Variants in PDHX observed in about 807,000 individuals in gnomAD.
PDHX encodes pyruvate dehydrogenase complex component X, also known as pyruvate dehydrogenase protein X component, mitochondrial.
Under a neutral mutation model 55.3 loss-of-function variants are expected in PDHX, and 33 were observed. That is an observed-to-expected ratio of 0.60 (90% CI 0.45 to 0.80). PDHX has a LOEUF of 0.80. Among genes scored for constraint, PDHX ranks in the 30% least tolerant of loss-of-function variants. The pLI, the probability that PDHX is intolerant of heterozygous loss-of-function variation, is 0.00. For missense variants in PDHX, 622 were observed against 619.9 expected (o/e 1.00, Z -0.04); for synonymous variants, 226 against 219.4 (o/e 1.03, Z -0.27).
intron 9 of PDHX, among the ~76,000 whole-genome samples, chr11:34,986,425 G>A (rs1855646142): frequency 1.3e-5 from 2 of 152,008 alleles, no homozygotes; most frequent in African/African-American, 4.8e-5. Flanking sequence ...GGTTTTCAGC[G>A]ACAATGAGAA....
At chr11:34,992,515 A>G in intron 10 of PDHX, 136 bp downstream of exon 10, 2 of 596,842 alleles carry the variant, frequency 3.4e-6, no homozygotes. Flanking sequence ...ACAATAGAAT[A>G]TCTGAAAAAA....
intron 1 of PDHX, among the ~76,000 whole-genome samples, chr11:34,928,874 G>T (rs1467162774): frequency 6.6e-6 from 1 of 152,090 alleles, no homozygotes; most frequent in Non-Finnish European, 1.5e-5. Flanking sequence ...AAAACATTAT[G>T]GTTGTATTTA....
intron 1 of PDHX, among the ~76,000 whole-genome samples, chr11:34,917,535 G>C (rs775652726): frequency 6.6e-6 from 1 of 152,150 alleles, no homozygotes; most frequent in Non-Finnish European, 1.5e-5. Flanking sequence ...TTTGGGAGAA[G>C]GTTGGAGGGA....
intron 3 of PDHX, among the ~76,000 whole-genome samples, chr11:34,955,375 C>G (rs1168913287): frequency 1.3e-5 from 2 of 152,090 alleles, no homozygotes; most frequent in Non-Finnish European, 2.9e-5. Context: ...TCTGAAAGAT[C>G]TCTGCACCAA....
chr11:34,918,736 G>A (rs1398089890), intron 1 of PDHX, among the ~76,000 whole-genome samples: 1 of 152,142 alleles, frequency 6.6e-6, no homozygotes, highest in Non-Finnish European at 1.5e-5. Flanking sequence ...AGTCCAAAAT[G>A]GATCTAACTA....
rs112881941 is a variant in PDHX, at chr11:34,993,312, C to T, written c.1247+933C>T. ...GGAAGTTCTGAGTTTTAATGAATTCCTATTTATCAGTATTTTTCTTTGTAG... is the reference window on the plus strand; with the variant it reads ...GGAAGTTCTGAGTTTTAATGAATTCTTATTTATCAGTATTTTTCTTTGTAG... On this transcript the variant is annotated intron_variant, in intron 10 of 10. Transcript: ENST00000227868. Among the ~76,000 whole-genome samples the T allele has an allele frequency of 2.6e-3, 393 of 151,728 alleles. 2 individuals carry two copies. Among genetic ancestry groups the T allele is most frequent in the African/African-American group, 9.0e-3 (372 of 41,382 alleles).
intron 8 of PDHX, among the ~76,000 whole-genome samples, chr11:34,982,277 G>C (rs947188518): frequency 6.6e-6 from 1 of 152,082 alleles, no homozygotes; most frequent in African/African-American, 2.4e-5. Context: ...CCCATTTCTT[G>C]TTTTTGTCAG....
At chr11:34,917,904 G>A (rs757402070) in intron 1 of PDHX, among the ~76,000 whole-genome samples, 1 of 152,162 alleles carries the variant, frequency 6.6e-6, no homozygotes, top group African/African-American at 2.4e-5. Flanking sequence ...ATTCGGTCTG[G>A]TCTGGTGTGG....
At chr11:34,984,466 T>TCTAG (rs1403830065) in intron 8 of PDHX, 104 bp from the exon 9 acceptor site, 3 of 908,094 alleles carry the variant, frequency 3.3e-6, no homozygotes, top group Non-Finnish European at 5.3e-6. Flanking sequence ...TTTTCTCTTA[T>TCTAG]CTAGCTATGT....
chr11:34,957,648 G>A, intron 4 of PDHX, 65 bp downstream of exon 4: 1 of 1,269,524 alleles, frequency 7.9e-7, no homozygotes, highest in Non-Finnish European at 1.1e-6. Context: ...TTATGGAATT[G>A]TAATCATTAT....
At chr11:34,987,742 GTGTGTGTA>G (rs1045217038) in intron 9 of PDHX, among the ~76,000 whole-genome samples, 5 of 151,666 alleles carry the variant, frequency 3.3e-5, no homozygotes, top group South Asian at 2.1e-4. Context: ...GTGTGTGTGT[GTGTGTGTA>G]TGTGTGTGTG....
intron 3 of PDHX, 40 bp downstream of exon 3, chr11:34,947,646 T>A: frequency 7.6e-7 from 1 of 1,314,854 alleles, no homozygotes; most frequent in Non-Finnish European, 1.1e-6. Context: ...GGATGAAGAT[T>A]TCTTGAGTGG....
chr11:34,933,843 CTAAGGATAA>C lies in PDHX; in HGVS notation c.241+2371_241+2379del, dbSNP rs145927550. On this transcript the variant is annotated intron_variant, in intron 2 of 10. Transcript: ENST00000227868. ...CAGAGATGAGATAGTTTGAGGATCA[CTAAGGATAA>C]TAAGGATAATATATTTAATATATTT... Among the ~76,000 whole-genome samples, 764 of 151,826 alleles carry C rather than the reference CTAAGGATAA, an allele frequency of 5.0e-3. 7 individuals are homozygous for C. Among genetic ancestry groups the C allele is most frequent in the African/African-American group, 0.018 (724 of 41,350 alleles).
chr11:34,931,812 T>TTGTGTG (rs35425265), intron 2 of PDHX, among the ~76,000 whole-genome samples: 301 of 146,178 alleles, frequency 2.1e-3, no homozygotes, highest in African/African-American at 2.9e-3. Context: ...TTTATCATGA[T>TTGTGTG]TGTGTGTGTG....
At chr11:34,941,965 A>T (rs1854498440) in intron 2 of PDHX, 2 of 153,090 alleles carry the variant, frequency 1.3e-5, no homozygotes, top group Middle Eastern at 1.8e-3. Flanking sequence ...TGGTGCAGGA[A>T]CACTCCAGGG....
At chr11:34,980,880 T>G (rs917159699) in intron 8 of PDHX, among the ~76,000 whole-genome samples, 21 of 152,152 alleles carry the variant, frequency 1.4e-4, no homozygotes, top group African/African-American at 5.1e-4. Flanking sequence ...AAACAAAGAA[T>G]TTTTGAGAAC....
rs527329997 is a variant in PDHX, at chr11:34,992,475, T to A, written c.1247+96T>A. 287 of 709,426 alleles carry A rather than the reference T, an allele frequency of 4.0e-4. No homozygotes were observed. The African/African-American group carries it at 4.1e-3, about 10-fold the overall frequency. 43.9% of individuals were successfully genotyped at this position (709,426 alleles called of 1,614,324 possible). A position where few individuals can be genotyped will look rare whatever the true frequency, so the allele number is the denominator to read the frequency against. ...CCTTTCATTTATCTGAAATATTTTT[T>A]AAAATTTAAGCTAAAAATACTTTAT... On this transcript the variant is annotated intron_variant, in intron 10 of 10. Transcript: ENST00000227868.
At chr11:34,981,714 C>A (rs558893105) in intron 8 of PDHX, among the ~76,000 whole-genome samples, 88 of 152,236 alleles carry the variant, frequency 5.8e-4, no homozygotes, top group African/African-American at 2.1e-3. Flanking sequence ...GAGATGGTAT[C>A]TCAGTGTGGT....
At chr11:34,975,985 T>C (rs1192896323) in intron 7 of PDHX, among the ~76,000 whole-genome samples, 1 of 152,176 alleles carries the variant, frequency 6.6e-6, no homozygotes, top group Non-Finnish European at 1.5e-5. Flanking sequence ...GTGAGAAGTT[T>C]CTAAAAAATG....
Sources: gnomAD v4.1 joint callset for allele counts (sites outside exome capture counted in the v4.1 genomes callset) on GRCh38, gnomAD v4.1.1 for gene constraint, MANE v1.5 for transcripts, NCBI Gene and HGNC (gene_info 2026-07-23, HGNC 2026-07-21) for gene names.